PARVA: variants seen among roughly 807,000 people sequenced by gnomAD.
The protein encoded by PARVA is alpha-parvin.
In PARVA, 25 loss-of-function variants were observed where a neutral mutation model predicts 52.6. The ratio of observed to expected loss-of-function variants is 0.48; its 90% CI spans 0.35 to 0.66. PARVA has a LOEUF of 0.66. PARVA is among the 30% of genes least tolerant of loss of function. The pLI, the probability that PARVA is intolerant of heterozygous loss-of-function variation, is 0.01. For missense variants in PARVA, 373 were observed against 450.9 expected (o/e 0.83, Z 1.56); for synonymous variants, 185 against 179.1 (o/e 1.03, Z -0.26).
At chr11:12,376,933 G>A (rs1344195467), upstream of PARVA, among the ~76,000 whole-genome samples, 1 of 152,152 alleles carries the variant, frequency 6.6e-6, no homozygotes, top group Non-Finnish European at 1.5e-5. Context: ...CACCACGTGG[G>A]ATCTTCCTTT....
Position 12,465,707 on chromosome 11 carries a change from T to A in PARVA, c.137-8038T>A, listed in dbSNP as rs574021751. ...CATGGCTTTATAGCTCATTTCCTTT[T>A]ATCACTAAATAATAATTTTCATATA... On this transcript the variant is annotated intron_variant, in intron 1 of 12. Transcript: ENST00000334956. 2.6e-4 allele frequency among the ~76,000 whole-genome samples: 40 copies of A among 152,354 alleles called. 1 individual carries two copies. The highest frequency in any genetic ancestry group is 9.6e-4 in the East Asian group (5 of 5,184).
At chr11:12,410,706 G>C (rs1180296287) in intron 1 of PARVA, among the ~76,000 whole-genome samples, 1 of 152,040 alleles carries the variant, frequency 6.6e-6, no homozygotes. Flanking sequence ...CTCTGACCTA[G>C]TTCCTCCTCC....
intron 1 of PARVA, among the ~76,000 whole-genome samples, chr11:12,430,266 A>C (rs1940298531): frequency 6.6e-6 from 1 of 152,224 alleles, no homozygotes; most frequent in South Asian, 2.1e-4. Flanking sequence ...AATATAAGTG[A>C]TGAGTTGTGA....
upstream of PARVA, chr11:12,377,223 G>A (rs138605172): frequency 3.4e-4 from 113 of 334,138 alleles, no homozygotes; most frequent in East Asian, 5.8e-3. Flanking sequence ...CTCACCAGCC[G>A]CCGGCTGGAA....
At chr11:12,437,777 G>A (rs966256365) in intron 1 of PARVA, among the ~76,000 whole-genome samples, 3 of 152,168 alleles carry the variant, frequency 2.0e-5, no homozygotes, top group South Asian at 2.1e-4. Context: ...GCCCATGTGG[G>A]GAATGTGCAG....
At chr11:12,412,616 C>A (rs1375103066) in intron 1 of PARVA, among the ~76,000 whole-genome samples, 1 of 152,160 alleles carries the variant, frequency 6.6e-6, no homozygotes, top group Non-Finnish European at 1.5e-5. Flanking sequence ...GGCTCTGTAG[C>A]AAGGACAGGA....
rs1589932879 is a variant in PARVA at position 12,377,581 on chromosome 11, C to T, written c.-67C>T. On this transcript the variant is annotated 5_prime_UTR_variant, in exon 1 of 13. Coordinates refer to ENST00000334956, the MANE Select transcript of PARVA (RefSeq NM_018222.5). Reference sequence around the variant, plus strand: ...GAAAGCCGCAGCCTCAGTCCCGCCGCCGCCCGCTGCGTCCGCCCAGCGCCA... The same window carrying T: ...GAAAGCCGCAGCCTCAGTCCCGCCGTCGCCCGCTGCGTCCGCCCAGCGCCA... 1 of 1,500,088 alleles carries T rather than the reference C, an allele frequency of 6.7e-7. No homozygotes were observed. Among genetic ancestry groups the T allele is most frequent in the South Asian group, 1.3e-5 (1 of 78,474 alleles). 92.9% of individuals were successfully genotyped at this position (1,500,088 alleles called of 1,614,324 possible). A position where few individuals can be genotyped will look rare whatever the true frequency, so the allele number is the denominator to read the frequency against.
chr11:12,399,748 A>T (rs1361143763), intron 1 of PARVA, among the ~76,000 whole-genome samples: 1 of 152,210 alleles, frequency 6.6e-6, no homozygotes, highest in Admixed American at 6.5e-5. Context: ...ATGTTACAGT[A>T]AATAATTCTT....
At chr11:12,478,330 G>C in intron 4 of PARVA, 1 of 349,538 alleles carries the variant, frequency 2.9e-6, no homozygotes, top group Non-Finnish European at 5.6e-6. Flanking sequence ...TTAGACCTCT[G>C]TCACCTTCAG....
At chr11:12,523,418 G>A (rs986641129) in intron 12 of PARVA, among the ~76,000 whole-genome samples, 14 of 152,162 alleles carry the variant, frequency 9.2e-5, no homozygotes, top group Non-Finnish European at 1.5e-4. Flanking sequence ...GGAAGGCTTC[G>A]GAGAAGGGCC....
intron 1 of PARVA, among the ~76,000 whole-genome samples, chr11:12,381,422 C>T (rs974499935): frequency 2.0e-5 from 3 of 152,146 alleles, no homozygotes; most frequent in Admixed American, 6.5e-5. Flanking sequence ...TAGCATTCTC[C>T]GAGGCCCAAG....
At chr11:12,380,052 A>G (rs1335237547) in intron 1 of PARVA, among the ~76,000 whole-genome samples, 1 of 152,120 alleles carries the variant, frequency 6.6e-6, no homozygotes, top group Non-Finnish European at 1.5e-5. Flanking sequence ...TTTTATTACT[A>G]CCTTGCTGAA....
intron 4 of PARVA, among the ~76,000 whole-genome samples, chr11:12,493,684 A>G (rs1202406129): frequency 1.3e-5 from 2 of 152,224 alleles, no homozygotes; most frequent in East Asian, 1.9e-4. Context: ...CTAGTTAAAT[A>G]TATTAGTGGA....
chr11:12,381,424 A>G (rs1939484435), intron 1 of PARVA, among the ~76,000 whole-genome samples: 1 of 152,188 alleles, frequency 6.6e-6, no homozygotes, highest in Non-Finnish European at 1.5e-5. Flanking sequence ...GCATTCTCCG[A>G]GGCCCAAGGA....
At chr11:12,492,815 G>C (rs1941249179) in intron 4 of PARVA, among the ~76,000 whole-genome samples, 1 of 148,320 alleles carries the variant, frequency 6.7e-6, no homozygotes, top group African/African-American at 2.5e-5. Context: ...TTTACCAGCA[G>C]TAATCAATTA....
chr11:12,449,315 G>A (rs1940592447), intron 1 of PARVA, among the ~76,000 whole-genome samples: 1 of 151,974 alleles, frequency 6.6e-6, no homozygotes, highest in Non-Finnish European at 1.5e-5. Context: ...GCACCACCAT[G>A]CCTGGCTAAT....
chr11:12,486,579 C>T (rs10831834), intron 4 of PARVA, among the ~76,000 whole-genome samples: 50,597 of 151,886 alleles, frequency 0.33, 10,265 homozygotes, highest in East Asian at 0.53. Context: ...GGTGCGGTGG[C>T]TCATGCCTGT....
intron 1 of PARVA, among the ~76,000 whole-genome samples, chr11:12,463,219 C>T (rs1001614091): frequency 6.6e-6 from 1 of 151,852 alleles, no homozygotes; most frequent in African/African-American, 2.4e-5. Flanking sequence ...TGATATATTA[C>T]TTTTGTTATA....
chr11:12,479,802 C>T (rs765213915), intron 4 of PARVA: 7 of 152,132 alleles, frequency 4.6e-5, no homozygotes, highest in South Asian at 4.1e-4. Context: ...TAAGACTTTC[C>T]ATGTCATCTG....
Sources: allele counts gnomAD v4.1 joint callset (sites outside exome capture counted in the v4.1 genomes callset), GRCh38; gene constraint gnomAD v4.1.1; transcripts MANE v1.5; gene names NCBI Gene and HGNC (gene_info 2026-07-23, HGNC 2026-07-21).